Variants in CNTN5 observed in about 807,000 individuals in gnomAD.
CNTN5 encodes contactin 5.
A neutral mutation model predicts 129.1 loss-of-function variants in CNTN5; 77 were observed. The observed-to-expected ratio is 0.60, with a 90% CI of 0.50 to 0.72. The LOEUF (loss-of-function observed/expected upper bound fraction) is 0.72, where lower values mean the gene tolerates loss of function less well. Ranked by LOEUF, CNTN5 falls within the 30% of genes least tolerant of loss-of-function variation. CNTN5 has a pLI of 0.00. For missense variants in CNTN5, 1,478 were observed against 1,328.8 expected (o/e 1.11, Z -1.75); for synonymous variants, 509 against 465.6 (o/e 1.09, Z -1.20).
In CNTN5 at chr11:99,797,068, G is replaced by A. The variant is rs574407637; in HGVS notation, c.56-22476G>A. Among the ~76,000 whole-genome samples, 11 of 152,096 alleles carry A rather than the reference G, an allele frequency of 7.2e-5. No homozygotes were observed. In the South Asian group the frequency reaches 2.1e-3, roughly 29 times the overall value. The stretch of plus-strand genomic sequence containing the variant: ...CTCTTCTGCCTGACATCTGTGTCCT[G>A]GGCCCTTGGTGGCAGATATCCCTCC... On this transcript the variant is annotated intron_variant, in intron 3 of 24. Transcript: ENST00000524871.
At chr11:99,811,412 A>G (rs1946423883) in intron 3 of CNTN5, among the ~76,000 whole-genome samples, 1 of 150,124 alleles carries the variant, frequency 6.7e-6, no homozygotes, top group South Asian at 2.1e-4. Flanking sequence ...GCCATAAAGA[A>G]TTTTAGTTCT....
At chr11:99,406,207 G>A (rs1942056992) in intron 2 of CNTN5, among the ~76,000 whole-genome samples, 1 of 151,932 alleles carries the variant, frequency 6.6e-6, no homozygotes, top group African/African-American at 2.4e-5. Context: ...AGGCCTACCA[G>A]ATATTCAAAA....
intron 1 of CNTN5, among the ~76,000 whole-genome samples, chr11:99,144,728 TTTCA>T (rs1400414501): frequency 6.6e-6 from 1 of 152,176 alleles, no homozygotes; most frequent in African/African-American, 2.4e-5. Flanking sequence ...ATATTTTCTA[TTTCA>T]TTCATTGAAT....
chr11:99,996,892 C>T (rs1466571331), intron 8 of CNTN5, among the ~76,000 whole-genome samples: 1 of 152,090 alleles, frequency 6.6e-6, no homozygotes, highest in African/African-American at 2.4e-5. Context: ...GGAAACTGCC[C>T]CCATGATTCA....
intron 16 of CNTN5, among the ~76,000 whole-genome samples, chr11:100,241,797 A>T (rs1949747745): frequency 6.6e-6 from 1 of 152,230 alleles, no homozygotes; most frequent in South Asian, 2.1e-4. Flanking sequence ...CATGCAAAGG[A>T]TCCTCAGAAA....
chr11:100,286,071 G>A (rs1262341137), intron 18 of CNTN5, among the ~76,000 whole-genome samples: 2 of 152,154 alleles, frequency 1.3e-5, no homozygotes, highest in Non-Finnish European at 2.9e-5. Context: ...GGCCCAACAC[G>A]AGATTATATC....
At chr11:100,291,996 C>A (rs1950993024) in intron 18 of CNTN5, among the ~76,000 whole-genome samples, 1 of 151,778 alleles carries the variant, frequency 6.6e-6, no homozygotes, top group Non-Finnish European at 1.5e-5. Context: ...CTTTTACGTA[C>A]TAGAGCAGTC....
At chr11:99,106,528 A>G (rs951528744) in intron 1 of CNTN5, among the ~76,000 whole-genome samples, 8 of 152,084 alleles carry the variant, frequency 5.3e-5, no homozygotes, top group African/African-American at 1.9e-4. Context: ...AGTGATATTC[A>G]GATACTACAG....
intron 13 of CNTN5, among the ~76,000 whole-genome samples, chr11:100,136,719 G>A (rs1181401593): frequency 6.6e-6 from 1 of 151,128 alleles, no homozygotes; most frequent in Non-Finnish European, 1.5e-5. Flanking sequence ...TGTATGCCCA[G>A]TATGGATTTA....
chr11:99,957,845 A>C (rs1950842810), intron 8 of CNTN5, among the ~76,000 whole-genome samples: 1 of 151,750 alleles, frequency 6.6e-6, no homozygotes, highest in Non-Finnish European at 1.5e-5. Context: ...GTTTATATAG[A>C]CTTTGTTGTT....
intron 13 of CNTN5, among the ~76,000 whole-genome samples, chr11:100,125,012 G>A (rs950749503): frequency 2.0e-5 from 3 of 152,000 alleles, no homozygotes; most frequent in Non-Finnish European, 2.9e-5. Context: ...GGCGAGGCCT[G>A]GAAATTTGCA....
intron 2 of CNTN5, among the ~76,000 whole-genome samples, chr11:99,348,405 C>T (rs1041343745): frequency 4.6e-5 from 7 of 152,034 alleles, no homozygotes; most frequent in Admixed American, 6.6e-5. Flanking sequence ...AACTTTAAGG[C>T]CTAGAACATA....
chr11:99,721,710 G>A, intron 3 of CNTN5, among the ~76,000 whole-genome samples: 1 of 152,144 alleles, frequency 6.6e-6, no homozygotes, highest in African/African-American at 2.4e-5. Context: ...TACAGAATGG[G>A]AGGAAATATT....
chr11:99,822,245 A>C (rs1946824305), intron 4 of CNTN5, among the ~76,000 whole-genome samples: 1 of 152,206 alleles, frequency 6.6e-6, no homozygotes, highest in African/African-American at 2.4e-5. Context: ...TTGGGGAAGC[A>C]ATTCTACTTC....
chr11:99,579,040 T>C (rs1430528588), intron 3 of CNTN5, among the ~76,000 whole-genome samples: 1 of 152,080 alleles, frequency 6.6e-6, no homozygotes, highest in East Asian at 1.9e-4. Flanking sequence ...GTTTCAGCTT[T>C]CTACATATGG....
At chr11:99,661,342 T>A (rs1019173746) in intron 3 of CNTN5, among the ~76,000 whole-genome samples, 1 of 152,154 alleles carries the variant, frequency 6.6e-6, no homozygotes, top group African/African-American at 2.4e-5. Context: ...AATAAGAACT[T>A]AGCGAAGTGT....
intron 2 of CNTN5, among the ~76,000 whole-genome samples, chr11:99,364,781 C>T (rs1333057730): frequency 1.3e-5 from 2 of 152,134 alleles, no homozygotes; most frequent in Admixed American, 6.6e-5. Context: ...ATTGGTTGAG[C>T]TTCATGACCT....
At chr11:99,744,543 TAAAAA>T (rs553540845) in intron 3 of CNTN5, among the ~76,000 whole-genome samples, 4,578 of 37,442 alleles carry the variant, frequency 0.12, 204 homozygotes, top group African/African-American at 0.19. Flanking sequence ...TACAAAAAGT[TAAAAA>T]AAAAAAAAAA....
chr11:100,237,832 G>T (rs1399689309), intron 16 of CNTN5, among the ~76,000 whole-genome samples: 1 of 152,108 alleles, frequency 6.6e-6, no homozygotes, highest in Non-Finnish European at 1.5e-5. Flanking sequence ...GTAAAGATTG[G>T]CTGTCATGAG....
Sources: gnomAD v4.1 joint callset for allele counts (sites outside exome capture counted in the v4.1 genomes callset) on GRCh38, gnomAD v4.1.1 for gene constraint, MANE v1.5 for transcripts, NCBI Gene and HGNC (gene_info 2026-07-23, HGNC 2026-07-21) for gene names.